The following NALF1 variants were observed in gnomAD, a reference collection of about 807,000 sequenced individuals.
NALF1 encodes the protein NALCN channel auxiliary factor 1, also known as family with sequence similarity 155 member A.
Under a neutral mutation model 48.4 loss-of-function variants are expected in NALF1, and 3 were observed. The ratio of observed to expected loss-of-function variants is 0.06; its 90% CI spans 0.03 to 0.16. The LOEUF (loss-of-function observed/expected upper bound fraction) is 0.16. NALF1 is among the 10% of genes least tolerant of loss of function. The pLI, the probability that NALF1 is intolerant of heterozygous loss-of-function variation, is 1.00. For missense variants in NALF1, 526 were observed against 571.5 expected, an observed-to-expected ratio of 0.92 and a Z score of 0.81; for synonymous variants, 262 against 245.7, an observed-to-expected ratio of 1.07 and a Z score of -0.62.
At position 107,514,240 on chromosome 13, in the gene NALF1, C is replaced by G. The variant is rs933220019; in HGVS notation, c.916-303485G>C. Among the ~76,000 whole-genome samples the G allele has an allele frequency of 2.6e-5, 4 of 152,150 alleles. No homozygotes were observed. In the East Asian group the frequency reaches 7.7e-4, roughly 29 times the overall value. ...TTTTATTTTCCTCTTCTTAATCTCTCTTTTGTTACAGGGATCCTTCCAACT... is the reference window on the plus strand; with the variant it reads ...TTTTATTTTCCTCTTCTTAATCTCTGTTTTGTTACAGGGATCCTTCCAACT... On this transcript the variant is annotated intron_variant, in intron 1 of 2. Coordinates refer to ENST00000375915, the MANE Select transcript of NALF1 (RefSeq NM_001080396.3).
At chr13:107,693,293 G>A (rs967824008) in intron 1 of NALF1, among the ~76,000 whole-genome samples, 9 of 143,562 alleles carry the variant, frequency 6.3e-5, no homozygotes, top group Non-Finnish European at 1.2e-4. Flanking sequence ...TGGACACAGG[G>A]CGGGGAACAC....
intron 1 of NALF1, among the ~76,000 whole-genome samples, chr13:107,851,359 T>TG: frequency 6.6e-6 from 1 of 151,878 alleles, no homozygotes; most frequent in Non-Finnish European, 1.5e-5. Flanking sequence ...TTTTTTTCTT[T>TG]AAGTGGCCAG....
chr13:107,389,893 G>T (rs1193340704), intron 1 of NALF1, among the ~76,000 whole-genome samples: 2 of 151,988 alleles, frequency 1.3e-5, no homozygotes, highest in Admixed American at 1.3e-4. Flanking sequence ...TTAAATCAAA[G>T]AACTTAGATT....
In NALF1 at chr13:107,362,076, A is replaced by G. The variant is rs1883071254; in HGVS notation, c.916-151321T>C. On this transcript the variant is annotated intron_variant, in intron 1 of 2. Transcript: ENST00000375915. This position sits in a 1 kb window ranked among gnomAD's most constrained non-coding sequence, Gnocchi z 4.6. The stretch of plus-strand genomic sequence containing the variant: ...AAGTCGCACTGCCAGCCTGCAGTGC[A>G]TAGGTAGAGATGGGGGAATTCAACT... Among the ~76,000 whole-genome samples, 1 of 152,184 alleles carries G rather than the reference A, an allele frequency of 6.6e-6. No homozygotes were observed. The highest frequency in any genetic ancestry group is 2.4e-5 in the African/African-American group (1 of 41,440).
At chr13:107,378,429 T>A (rs1442655242) in intron 1 of NALF1, among the ~76,000 whole-genome samples, 1 of 152,030 alleles carries the variant, frequency 6.6e-6, no homozygotes, top group South Asian at 2.1e-4. Flanking sequence ...TCTATATATA[T>A]AAATGATATT....
chr13:107,261,332 C>G (rs1880923443), intron 1 of NALF1, among the ~76,000 whole-genome samples: 1 of 152,140 alleles, frequency 6.6e-6, no homozygotes, highest in South Asian at 2.1e-4. Context: ...CTTCCAACCT[C>G]CAGTCCCATC....
At chr13:107,418,731 G>A (rs1192220880) in intron 1 of NALF1, among the ~76,000 whole-genome samples, 1 of 151,994 alleles carries the variant, frequency 6.6e-6, no homozygotes, top group Non-Finnish European at 1.5e-5. Context: ...AGTCCCCAGT[G>A]CCTATTGTTT....
chr13:107,292,434 C>T (rs1881640306), intron 1 of NALF1, among the ~76,000 whole-genome samples: 1 of 150,872 alleles, frequency 6.6e-6, no homozygotes, highest in African/African-American at 2.4e-5. Context: ...CACAGCTGTA[C>T]AAAATATTTT....
intron 1 of NALF1, among the ~76,000 whole-genome samples, chr13:107,853,732 A>C (rs560201460): frequency 2.0e-4 from 30 of 152,360 alleles, no homozygotes; most frequent in Admixed American, 7.8e-4. Flanking sequence ...CAGATTCTGC[A>C]GTTATTTAGA....
At chr13:107,450,186 CAG>C (rs779623316) in intron 1 of NALF1, among the ~76,000 whole-genome samples, 37 of 152,134 alleles carry the variant, frequency 2.4e-4, no homozygotes, top group South Asian at 1.7e-3. Context: ...GATGAAAACA[CAG>C]GGGAAGAGTG....
At chr13:107,293,455 T>C (rs866993028) in intron 1 of NALF1, among the ~76,000 whole-genome samples, 5 of 152,194 alleles carry the variant, frequency 3.3e-5, no homozygotes, top group South Asian at 2.1e-4. Context: ...CCAAGGGCTA[T>C]GGAAAACTTT....
chr13:107,269,971 C>T (rs1353117032), intron 1 of NALF1, among the ~76,000 whole-genome samples: 4 of 127,740 alleles, frequency 3.1e-5, no homozygotes, highest in East Asian at 2.4e-4. Context: ...GGAGTTTCTC[C>T]GTGTTAGCCA....
At chr13:107,456,733 A>G (rs1047139657) in intron 1 of NALF1, among the ~76,000 whole-genome samples, 1 of 152,346 alleles carries the variant, frequency 6.6e-6, no homozygotes, top group African/African-American at 2.4e-5. Context: ...ATGCTAGGAA[A>G]CATGCTGGCA....
intron 1 of NALF1, among the ~76,000 whole-genome samples, chr13:107,800,441 T>A (rs1429537236): frequency 6.6e-6 from 1 of 151,600 alleles, no homozygotes; most frequent in East Asian, 1.9e-4. Context: ...CTACACTAAG[T>A]TTAAATAGAA....
At chr13:107,662,803 C>T (rs148842967) in intron 1 of NALF1, among the ~76,000 whole-genome samples, 3 of 152,262 alleles carry the variant, frequency 2.0e-5, no homozygotes, top group East Asian at 3.9e-4. Context: ...TAAAAAGACA[C>T]TCTCGTTTTA....
At chr13:107,751,919 T>C (rs1876952010) in intron 1 of NALF1, among the ~76,000 whole-genome samples, 1 of 152,222 alleles carries the variant, frequency 6.6e-6, no homozygotes, top group Non-Finnish European at 1.5e-5. Flanking sequence ...CTTGGAATTT[T>C]ACCTCTGCTT....
intron 1 of NALF1, among the ~76,000 whole-genome samples, chr13:107,435,344 AAGTCTACTTAG>A (rs1372017300): frequency 1.3e-5 from 2 of 152,106 alleles, no homozygotes; most frequent in African/African-American, 4.8e-5. Context: ...AAAAAATCAA[AAGTCTACTTAG>A]CCCCAAATGA....
intron 1 of NALF1, among the ~76,000 whole-genome samples, chr13:107,766,477 G>C (rs569220043): frequency 6.6e-6 from 1 of 152,064 alleles, no homozygotes; most frequent in African/African-American, 2.4e-5. Context: ...TGACTGAAAC[G>C]CAGAACTGTT....
At chr13:107,518,412 A>T (rs574510137) in intron 1 of NALF1, among the ~76,000 whole-genome samples, 12 of 152,228 alleles carry the variant, frequency 7.9e-5, no homozygotes, top group African/African-American at 2.9e-4. Flanking sequence ...TTTTTTTGAA[A>T]TGAGTGAAAT....
Sources: allele counts gnomAD v4.1 joint callset (sites outside exome capture counted in the v4.1 genomes callset), GRCh38; gene constraint gnomAD v4.1.1; non-coding constraint Gnocchi (gnomAD v3.1); transcripts MANE v1.5; gene names NCBI Gene and HGNC (gene_info 2026-07-23, HGNC 2026-07-21).